The following BRWD1 variants were observed in gnomAD, a reference collection of about 807,000 sequenced individuals.
The protein encoded by BRWD1 is bromodomain and WD repeat-containing protein 1.
Under a neutral mutation model 251.2 loss-of-function variants are expected in BRWD1, and 82 were observed. The ratio of observed to expected loss-of-function variants is 0.33; its 90% CI spans 0.27 to 0.39. BRWD1 has a LOEUF of 0.39. BRWD1 is among the 10% of genes least tolerant of loss of function. BRWD1 has a pLI of 1.00. For synonymous variants in BRWD1, 918 were observed against 902.8 expected (o/e 1.02, Z -0.30); for missense variants, 2,233 against 2,711.6 (o/e 0.82, Z 3.92).
chr21:39,248,477 A>G (rs1302031553), intron 20 of BRWD1, among the ~76,000 whole-genome samples: 1 of 151,704 alleles, frequency 6.6e-6, no homozygotes, highest in Non-Finnish European at 1.5e-5. Flanking sequence ...CAAACAAACA[A>G]AAAACGAAAA....
chr21:39,265,298 G>A (rs770608291), intron 15 of BRWD1, among the ~76,000 whole-genome samples: 3 of 151,992 alleles, frequency 2.0e-5, no homozygotes, highest in Admixed American at 6.6e-5. Flanking sequence ...GGCAGTGTGC[G>A]TCTGTAGTCC....
chr21:39,208,880 T>A (rs1246381254), intron 36 of BRWD1, among the ~76,000 whole-genome samples: 1 of 151,514 alleles, frequency 6.6e-6, no homozygotes, highest in Admixed American at 6.6e-5. Context: ...ACCCAATGTG[T>A]AACATGTTAA....
At chr21:39,287,847 A>G (rs542251575) in intron 8 of BRWD1, among the ~76,000 whole-genome samples, 22 of 152,328 alleles carry the variant, frequency 1.4e-4, no homozygotes, top group Middle Eastern at 3.4e-3. Flanking sequence ...TTTCTAATAC[A>G]TGAATTGGGT....
chr21:39,270,999 A>G (rs73209832), intron 13 of BRWD1, among the ~76,000 whole-genome samples: 261 of 152,306 alleles, frequency 1.7e-3, no homozygotes, highest in Non-Finnish European at 3.0e-3. Context: ...ATCCTTTATA[A>G]AAGTGTTATG....
At chr21:39,232,711 C>T (rs1172604309) in intron 23 of BRWD1, among the ~76,000 whole-genome samples, 2 of 152,166 alleles carry the variant, frequency 1.3e-5, no homozygotes. Context: ...ATTTTCCTAG[C>T]ATCATCTCCT....
chr21:39,217,012 T>TAC (rs1568877300), intron 31 of BRWD1: 2 of 18,262 alleles, frequency 1.1e-4, no homozygotes, highest in East Asian at 1.5e-3. Flanking sequence ...CTCCCACAAA[T>TAC]ATATATATAT....
rs780779385 is a variant in BRWD1, at chr21:39,187,304, T to C, written c.*8955A>G. On this transcript the variant is annotated 3_prime_UTR_variant, in exon 41 of 41. Transcript: ENST00000342449. ...ACAGTAGCACATCTGCGGGGAACTT[T>C]CTCAGGTACCATTTTTGCTTTCAGA... 23 of 1,614,048 alleles carry C rather than the reference T, an allele frequency of 1.4e-5. No homozygotes were observed. The Admixed American group carries it at 3.0e-4, about 21-fold the overall frequency.
Position 39,313,105 on chromosome 21 carries a change from C to T in BRWD1, c.109-4G>A, listed in dbSNP as rs1191800448. 3 of 1,495,384 alleles carry T rather than the reference C, an allele frequency of 2.0e-6. No homozygotes were observed. Among genetic ancestry groups the T allele is most frequent in the Non-Finnish European group, 2.7e-6 (3 of 1,124,696 alleles). The allele number at this position is 1,495,384 out of a possible 1,614,324, so 92.6% of individuals were successfully genotyped here. ...GCTCCAGCTCCTGCACCAGCACCTG[C>T]GGCCGAGAGACGCGCGGTCAGGGGT... On this transcript the variant is annotated splice_region_variant and splice_polypyrimidine_tract_variant and intron_variant, in intron 2 of 40. Coordinates refer to ENST00000342449, the MANE Select transcript of BRWD1 (RefSeq NM_033656.4).
chr21:39,196,022 G>A lies in BRWD1; in HGVS notation c.*237C>T, dbSNP rs1012860756. On this transcript the variant is annotated 3_prime_UTR_variant, in exon 41 of 41. Coordinates refer to ENST00000342449, the MANE Select transcript of BRWD1 (RefSeq NM_033656.4). Reference sequence around the variant, plus strand: ...CTCTTGCTATATGTAGTCAAATACTGTCAAAATAGATCTGCCCCCAAAATG... The same window carrying A: ...CTCTTGCTATATGTAGTCAAATACTATCAAAATAGATCTGCCCCCAAAATG... 8.1e-7 allele frequency: 1 copy of A among 1,231,924 alleles called. No homozygotes were observed. The highest frequency in any genetic ancestry group is 1.0e-6 in the Non-Finnish European group (1 of 985,942). 76.3% of individuals were successfully genotyped at this position (1,231,924 alleles called of 1,614,324 possible).
intron 27 of BRWD1, among the ~76,000 whole-genome samples, chr21:39,227,584 G>A (rs568495629): frequency 5.3e-5 from 8 of 152,000 alleles, no homozygotes; most frequent in Non-Finnish European, 8.8e-5. Context: ...AATTTTACTC[G>A]AATGTGTAAA....
chr21:39,313,456 AGGCACCG>A lies in BRWD1; in HGVS notation c.29_35del (p.Pro10LeufsTer130). 7.5e-7 allele frequency: 1 copy of A among 1,335,052 alleles called. No homozygotes were observed. Among genetic ancestry groups the A allele is most frequent in the Non-Finnish European group, 9.6e-7 (1 of 1,045,910 alleles). The allele number at this position is 1,335,052 out of a possible 1,614,324, so 82.7% of individuals were successfully genotyped here. On this transcript the variant is annotated frameshift_variant, in exon 1 of 41. Transcript: ENST00000342449. LOFTEE classifies it high-confidence loss of function. The stretch of plus-strand genomic sequence containing the variant: ...CTCGCGTCTTACCCGACTCGATGAG[AGGCACCG>A]GGCGTCGGGCGGACGACGGCTCCGC...
At chr21:39,215,404 A>G in intron 31 of BRWD1, 42 bp from the exon 32 acceptor site, 1 of 1,566,460 alleles carries the variant, frequency 6.4e-7, no homozygotes, top group Non-Finnish European at 8.7e-7. Context: ...GAAAATGAGA[A>G]GATAGAAACC....
chr21:39,249,956 G>GTGTA (rs1352716629), intron 20 of BRWD1, among the ~76,000 whole-genome samples: 53 of 143,706 alleles, frequency 3.7e-4, no homozygotes, highest in African/African-American at 1.3e-3. Context: ...GTGTGTGTGT[G>GTGTA]TATACACACA....
Position 39,277,272 on chromosome 21 carries a change from G to A in BRWD1, c.1083C>T (p.Ile361=), listed in dbSNP as rs527930724. The change falls in exon 11 of 41, where the codon ATC becomes ATT. Residue 361 remains isoleucine, a synonymous_variant. Transcript: ENST00000342449. ...YFLGFEAPEK[I]AELESHTDKV... is the part of the protein sequence containing the mutation. ...TTACAGTGTGGCTTTCAAGTTCTGC[G>A]ATTTTTTCGGGTGCTTCAAAACCCA... The A allele has an allele frequency of 7.1e-5, 114 of 1,610,108 alleles. 1 individual carries two copies. The South Asian group carries it at 8.9e-4, about 13-fold the overall frequency.
chr21:39,314,912 T>A (rs2036668190), upstream of BRWD1: 1 of 153,118 alleles, frequency 6.5e-6, no homozygotes, highest in South Asian at 2.0e-4. Context: ...TATTTGTGCC[T>A]GTCTCAAAGT....
chr21:39,217,039 ATATATATATATT>A (rs2032948047), intron 31 of BRWD1: 49 of 17,616 alleles, frequency 2.8e-3, no homozygotes, highest in Non-Finnish European at 3.9e-3. Context: ...ATATATAAAT[ATATATATATATT>A]TATATATATA....
At position 39,218,223 on chromosome 21, in the gene BRWD1, C is replaced by A. The variant is rs2033033413; in HGVS notation, c.3588G>T (p.Lys1196Asn). Residue 1196 changes from lysine to asparagine, a missense_variant, in exon 31 of 41, where the codon AAG becomes AAT. Coordinates refer to ENST00000342449, the MANE Select transcript of BRWD1 (RefSeq NM_033656.4). Reference sequence around the variant, plus strand: ...TTGGATAAGCTACTACAGTACAGTACTTCGGGTATGTACACAAATCAACAG... The same window carrying A: ...TTGGATAAGCTACTACAGTACAGTAATTCGGGTATGTACACAAATCAACAG... ...AGPVDLCTYP[K>N]YCTVVAYPTD... The A allele has an allele frequency of 5.0e-6, 8 of 1,612,570 alleles. No homozygotes were observed. In the East Asian group the frequency reaches 1.8e-4, roughly 36 times the overall value.
At position 39,191,714 on chromosome 21, in the gene BRWD1, T is replaced by C; in HGVS notation, c.*4545A>G. ...AAGGTAATTTTTAAAATGATTTACC[T>C]TGTAAAACAAAGGGGTAGAGCTGCT... On this transcript the variant is annotated 3_prime_UTR_variant, in exon 41 of 41. Coordinates refer to ENST00000342449, the MANE Select transcript of BRWD1 (RefSeq NM_033656.4). 1.0e-6 allele frequency: 1 copy of C among 985,344 alleles called. No individual in the cohort carries two copies. Among genetic ancestry groups the C allele is most frequent in the Non-Finnish European group, 1.2e-6 (1 of 829,886 alleles). The allele number at this position is 985,344 out of a possible 1,614,324, so 61.0% of individuals were successfully genotyped here. A position where few individuals can be genotyped will look rare whatever the true frequency, so the allele number is the denominator to read the frequency against.
At chr21:39,184,444 A>T (rs771150796), downstream of BRWD1, 30 of 152,240 alleles carry the variant, frequency 2.0e-4, no homozygotes, top group Non-Finnish European at 3.5e-4. Context: ...GACATAATTT[A>T]AATGAAAATG....
Sources: allele counts gnomAD v4.1 joint callset (sites outside exome capture counted in the v4.1 genomes callset), GRCh38; gene constraint gnomAD v4.1.1; transcripts MANE v1.5; gene names NCBI Gene and HGNC (gene_info 2026-07-23, HGNC 2026-07-21).